Variants in GUCY2C observed in about 807,000 individuals in gnomAD.
The protein encoded by GUCY2C is guanylyl cyclase C.
A neutral mutation model predicts 131.1 loss-of-function variants in GUCY2C; 118 were observed. The ratio of observed to expected loss-of-function variants is 0.90; its 90% CI spans 0.78 to 1.05. The LOEUF (loss-of-function observed/expected upper bound fraction) is 1.05, where lower values mean the gene tolerates loss of function less well. Among genes scored for constraint, GUCY2C ranks in the 50% least tolerant of loss-of-function variants. The probability of loss-of-function intolerance (pLI) is 0.00; values close to 1 mark genes in which losing one functional copy is unlikely to be tolerated. For synonymous variants in GUCY2C, 452 were observed against 457.8 expected (o/e 0.99, Z 0.16); for missense variants, 1,161 against 1,304.4 (o/e 0.89, Z 1.69).
At chr12:14,683,859 T>G (rs1485219396) in intron 3 of GUCY2C, among the ~76,000 whole-genome samples, 3 of 152,196 alleles carry the variant, frequency 2.0e-5, no homozygotes, top group Non-Finnish European at 4.4e-5. Flanking sequence ...TTTCATTTAT[T>G]TTAGTGTTTT....
intron 16 of GUCY2C, 108 bp downstream of exon 16, chr12:14,645,115 GCTATTA>G (rs1947493882): frequency 1.6e-6 from 1 of 634,996 alleles, no homozygotes; most frequent in South Asian, 2.0e-5. Context: ...CTATGACATA[GCTATTA>G]TTATCATTTT....
At chr12:14,686,667 A>G (rs1180006479) in intron 2 of GUCY2C, among the ~76,000 whole-genome samples, 4 of 152,158 alleles carry the variant, frequency 2.6e-5, no homozygotes, top group Admixed American at 1.3e-4. Flanking sequence ...TGATTGGGTG[A>G]TTATTGATCT....
chr12:14,671,340 G>A (rs183598986), intron 9 of GUCY2C, among the ~76,000 whole-genome samples: 97 of 152,216 alleles, frequency 6.4e-4, no homozygotes, highest in African/African-American at 2.2e-3. Flanking sequence ...GTTTTACCGC[G>A]TTGGCCAGGC....
intron 18 of GUCY2C, 99 bp from the exon 19 acceptor site, chr12:14,640,049 G>A: frequency 1.3e-6 from 1 of 793,030 alleles, no homozygotes; most frequent in Non-Finnish European, 2.2e-6. Flanking sequence ...CCCCTGGATG[G>A]CTCTTAGCTC....
At chr12:14,616,049 G>A (rs1287187388) in intron 25 of GUCY2C, among the ~76,000 whole-genome samples, 1 of 152,050 alleles carries the variant, frequency 6.6e-6, no homozygotes, top group Non-Finnish European at 1.5e-5. Context: ...ATATTAGTGT[G>A]GTCACAAACA....
chr12:14,643,868 C>A (rs896047404), intron 16 of GUCY2C, among the ~76,000 whole-genome samples, 162 bp from the exon 17 acceptor site: 3 of 151,950 alleles, frequency 2.0e-5, no homozygotes, highest in African/African-American at 7.3e-5. Flanking sequence ...ATTACTGAAG[C>A]CCTAATATTT....
chr12:14,624,743 T>C (rs1210970447), intron 21 of GUCY2C, among the ~76,000 whole-genome samples: 1 of 152,208 alleles, frequency 6.6e-6, no homozygotes, highest in South Asian at 2.1e-4. Flanking sequence ...ATATAACCTT[T>C]GGAAATCCAA....
rs535349983 is a variant in GUCY2C at position 14,614,879 on chromosome 12, G to T, written c.3035C>A (p.Thr1012Asn). 7.6e-6 allele frequency: 12 copies of T among 1,585,262 alleles called. No homozygotes were observed. The South Asian group carries it at 1.1e-4, about 15-fold the overall frequency. ...GMKDQKFNLP[T>N]PPTVENQQRL... ...CCCAGAAGCTTACACAGTAGGAGGG[G>T]TTGGCAGGTTGAATTTCTGGTCCTT... is the stretch of plus-strand genomic sequence containing the variant. Residue 1012 changes from threonine to asparagine, a missense_variant, in exon 26 of 27, where the codon ACC (threonine) becomes AAC (asparagine). Physicochemically the swap from Thr to Asn is moderately conservative, Grantham distance 65. Coordinates refer to ENST00000261170, the MANE Select transcript of GUCY2C (RefSeq NM_004963.4).
chr12:14,635,877 T>C (rs999074727), intron 19 of GUCY2C, among the ~76,000 whole-genome samples: 6 of 152,088 alleles, frequency 3.9e-5, no homozygotes, highest in Admixed American at 3.9e-4. Context: ...AATTCCTGGA[T>C]AAATGCAATC....
intron 21 of GUCY2C, among the ~76,000 whole-genome samples, chr12:14,623,128 A>T (rs1267382353): frequency 1.3e-5 from 2 of 152,216 alleles, no homozygotes; most frequent in Non-Finnish European, 2.9e-5. Flanking sequence ...GGTCTAAAAA[A>T]GTATGACTTC....
intron 19 of GUCY2C, among the ~76,000 whole-genome samples, chr12:14,637,565 A>G (rs1947297908): frequency 6.6e-6 from 1 of 152,204 alleles, no homozygotes; most frequent in Admixed American, 6.5e-5. Context: ...AACCAAAACA[A>G]CCTGTTACTG....
intron 11 of GUCY2C, among the ~76,000 whole-genome samples, chr12:14,658,014 T>G (rs1433310695): frequency 6.6e-6 from 1 of 152,168 alleles, no homozygotes; most frequent in Non-Finnish European, 1.5e-5. Flanking sequence ...GGTGAAACAG[T>G]GTTTCATTAT....
Position 14,613,265 on chromosome 12 carries a change from T to G in GUCY2C, c.3074A>C (p.Glu1025Ala), listed in dbSNP as rs1946688188. The G allele has an allele frequency of 6.2e-7, 1 of 1,613,292 alleles. No individual in the cohort carries two copies. Among genetic ancestry groups the G allele is most frequent in the African/African-American group, 1.3e-5 (1 of 74,854 alleles). The change falls in exon 27 of 27, where the codon GAA (glutamate) becomes GCA (alanine). Residue 1025 changes from glutamate (E) to alanine (A), a missense_variant. Physicochemically the swap from Glu to Ala is moderately radical, Grantham distance 107. Coordinates refer to ENST00000261170, the MANE Select transcript of GUCY2C (RefSeq NM_004963.4). This position sits in a 1 kb window ranked among gnomAD's most constrained non-coding sequence, Gnocchi z 4.9. ...TVENQQRLQA[E>A]FSDMIANSLQ... Reference sequence around the variant, plus strand: ...AGAGTTGGCAATCATGTCTGAAAATTCTGCTTGCAAACGCTGTTGATTCTC... The same window carrying G: ...AGAGTTGGCAATCATGTCTGAAAATGCTGCTTGCAAACGCTGTTGATTCTC...
intron 8 of GUCY2C, 35 bp from the exon 9 acceptor site, chr12:14,672,993 T>C: frequency 8.0e-7 from 1 of 1,247,240 alleles, no homozygotes; most frequent in East Asian, 2.3e-5. Context: ...GAGGCCATTC[T>C]TGATTTTTGC....
intron 23 of GUCY2C, 196 bp from the exon 24 acceptor site, chr12:14,619,505 GATC>G: frequency 2.0e-6 from 1 of 503,972 alleles, no homozygotes; most frequent in Non-Finnish European, 3.5e-6. Flanking sequence ...CAATGCATGC[GATC>G]ATAAAGTATT....
intron 1 of GUCY2C, among the ~76,000 whole-genome samples, chr12:14,691,855 T>C (rs920474613): frequency 7.2e-5 from 11 of 152,206 alleles, no homozygotes; most frequent in Admixed American, 6.5e-5. Flanking sequence ...GTTGATCTCT[T>C]TCACTATATG....
intron 16 of GUCY2C, among the ~76,000 whole-genome samples, chr12:14,644,766 G>T (rs1265894737): frequency 4.4e-5 from 6 of 135,912 alleles, no homozygotes; most frequent in African/African-American, 1.8e-4. Context: ...TTTTTTAATG[G>T]AGTCTCACTC....
intron 21 of GUCY2C, among the ~76,000 whole-genome samples, chr12:14,622,467 T>C (rs1565605676): frequency 6.6e-6 from 1 of 152,242 alleles, no homozygotes; most frequent in East Asian, 1.9e-4. Flanking sequence ...TACACATAAA[T>C]AGATAACTTT....
At chr12:14,674,918 C>G (rs1253780856) in intron 7 of GUCY2C, among the ~76,000 whole-genome samples, 158 bp from the exon 8 acceptor site, 1 of 152,008 alleles carries the variant, frequency 6.6e-6, no homozygotes, top group Non-Finnish European at 1.5e-5. Flanking sequence ...TTAGAAAACT[C>G]TTCCTTGGAG....
Sources: allele counts gnomAD v4.1 joint callset (sites outside exome capture counted in the v4.1 genomes callset), GRCh38; gene constraint gnomAD v4.1.1; non-coding constraint Gnocchi (gnomAD v3.1); transcripts MANE v1.5; gene names NCBI Gene and HGNC (gene_info 2026-07-23, HGNC 2026-07-21).